C8orf34: variants seen among roughly 807,000 people sequenced by gnomAD.
The protein encoded by C8orf34 is uncharacterized protein C8orf34.
In C8orf34, 65 loss-of-function variants were observed where a neutral mutation model predicts 68.3. That is an observed-to-expected ratio of 0.95 (90% CI 0.78 to 1.17). The LOEUF (loss-of-function observed/expected upper bound fraction) is 1.17. Ranked by LOEUF, C8orf34 falls within the 50% of genes most tolerant of loss-of-function variation. C8orf34 has a pLI of 0.00. For missense variants in C8orf34, 664 were observed against 655.4 expected, an observed-to-expected ratio of 1.01 and a Z score of -0.14; for synonymous variants, 244 against 241.2, an observed-to-expected ratio of 1.01 and a Z score of -0.11.
At chr8:68,700,688 C>G (rs1358997749) in intron 8 of C8orf34, among the ~76,000 whole-genome samples, 1 of 152,052 alleles carries the variant, frequency 6.6e-6, no homozygotes, top group Non-Finnish European at 1.5e-5. Context: ...TACAAGTGGT[C>G]TCATGCCAAA....
At chr8:68,404,917 A>T (rs945578229) in intron 1 of C8orf34, among the ~76,000 whole-genome samples, 1 of 152,000 alleles carries the variant, frequency 6.6e-6, no homozygotes, top group Non-Finnish European at 1.5e-5. Flanking sequence ...GTCAATGGTA[A>T]CTTGATGGGG....
rs1806541442 is a variant in C8orf34 at position 68,352,235 on chromosome 8, AGAG to A, written c.327+20899_327+20901del. On this transcript the variant is annotated intron_variant, in intron 1 of 13. Coordinates refer to ENST00000518698, the MANE Select transcript of C8orf34 (RefSeq NM_052958.4). ...GGAAATCTGAATTAACAGAGCTTGA[AGAG>A]GAAGCATATATGTAACTCTTTATTC... 3.3e-5 allele frequency among the ~76,000 whole-genome samples: 5 copies of A among 152,152 alleles called. No individual in the cohort carries two copies. The South Asian group carries it at 1.0e-3, about 32-fold the overall frequency.
chr8:68,430,179 A>G (rs1053515744), intron 1 of C8orf34, among the ~76,000 whole-genome samples: 2 of 152,094 alleles, frequency 1.3e-5, no homozygotes, highest in Non-Finnish European at 2.9e-5. Flanking sequence ...ATTAAAAAAT[A>G]AAAAAATTAA....
chr8:68,432,148 A>C (rs901646872), intron 1 of C8orf34, among the ~76,000 whole-genome samples: 1 of 151,806 alleles, frequency 6.6e-6, no homozygotes, highest in Non-Finnish European at 1.5e-5. Flanking sequence ...TGGAATAAGC[A>C]AGGAGTTCAG....
Position 68,569,983 on chromosome 8 carries a change from G to T in C8orf34, c.1105+36834G>T, listed in dbSNP as rs1282988014. ...AAAGTCTCTCTTCAGGCTGCTCTTT[G>T]ATTTCAGCCTTCCCCAGACTGAGTC... On this transcript the variant is annotated intron_variant, in intron 7 of 13. Transcript: ENST00000518698. Among the ~76,000 whole-genome samples the T allele has an allele frequency of 1.3e-5, 2 of 152,170 alleles. 1 individual carries two copies. Among genetic ancestry groups the T allele is most frequent in the South Asian group, 4.1e-4 (2 of 4,822 alleles).
rs1169938225 is a variant in C8orf34 at position 68,587,421 on chromosome 8, T to C, written c.1106-52955T>C. Among the ~76,000 whole-genome samples the C allele has an allele frequency of 3.3e-5, 5 of 152,242 alleles. No homozygotes were observed. The East Asian group carries it at 9.7e-4, about 29-fold the overall frequency. Reference sequence around the variant, plus strand: ...ATGTTATGAGTTTATAGAATCTGTGTTGGTTAATAGATTTCAATCTAGACC... The same window carrying C: ...ATGTTATGAGTTTATAGAATCTGTGCTGGTTAATAGATTTCAATCTAGACC... On this transcript the variant is annotated intron_variant, in intron 7 of 13. Coordinates refer to ENST00000518698, the MANE Select transcript of C8orf34 (RefSeq NM_052958.4).
intron 7 of C8orf34, among the ~76,000 whole-genome samples, chr8:68,612,342 C>A (rs1335844810): frequency 6.6e-6 from 1 of 152,058 alleles, no homozygotes; most frequent in Non-Finnish European, 1.5e-5. Context: ...AGATGTTAAA[C>A]AACTTGCCCC....
intron 8 of C8orf34, among the ~76,000 whole-genome samples, chr8:68,678,859 G>GAAAAAAA (rs35973682): frequency 8.5e-6 from 1 of 116,962 alleles, no homozygotes; most frequent in Non-Finnish European, 1.8e-5. Context: ...GACCACAACT[G>GAAAAAAA]AAAAAAAAAA....
At position 68,717,843 on chromosome 8, in the gene C8orf34, A is replaced by T. The variant is rs151326750; in HGVS notation, c.1328-3518A>T. On this transcript the variant is annotated intron_variant, in intron 9 of 13. Transcript: ENST00000518698. ...AAAGAAATGACCATAGTTAATGCAT[A>T]CTCAAATCTATTATAATGGTGATGA... 2.5e-3 allele frequency among the ~76,000 whole-genome samples: 388 copies of T among 152,240 alleles called. 4 individuals are homozygous for T. Among genetic ancestry groups the T allele is most frequent in the African/African-American group, 8.6e-3 (359 of 41,542 alleles).
At chr8:68,413,413 C>T (rs1234703565) in intron 1 of C8orf34, among the ~76,000 whole-genome samples, 3 of 152,172 alleles carry the variant, frequency 2.0e-5, no homozygotes, top group African/African-American at 7.2e-5. Context: ...GTGTTCAGTA[C>T]ATATCTACTG....
At chr8:68,661,039 G>A (rs1819660545) in intron 8 of C8orf34, among the ~76,000 whole-genome samples, 1 of 152,162 alleles carries the variant, frequency 6.6e-6, no homozygotes, top group Non-Finnish European at 1.5e-5. Context: ...TTGGCTGGGG[G>A]AGGAAAGACT....
At chr8:68,443,122 G>A (rs965571625) in intron 2 of C8orf34, among the ~76,000 whole-genome samples, 1 of 152,138 alleles carries the variant, frequency 6.6e-6, no homozygotes, top group South Asian at 2.1e-4. Flanking sequence ...ACCATCCCAG[G>A]AAGCTGCAGA....
At chr8:68,652,430 CTG>C (rs1350358809) in intron 8 of C8orf34, among the ~76,000 whole-genome samples, 1 of 152,134 alleles carries the variant, frequency 6.6e-6, no homozygotes, top group Non-Finnish European at 1.5e-5. Flanking sequence ...TCCCATTTAT[CTG>C]TGTTTTCTGC....
rs1007713270 is a variant in C8orf34 at position 68,467,942 on chromosome 8, C to T, written c.608-750C>T. Reference sequence around the variant, plus strand: ...ACCATTTTTTAAAAAAAATATGCCTCGACCTGTGCCCGACATTTAATGGGC... The same window carrying T: ...ACCATTTTTTAAAAAAAATATGCCTTGACCTGTGCCCGACATTTAATGGGC... On this transcript the variant is annotated intron_variant, in intron 3 of 13. Coordinates refer to ENST00000518698, the MANE Select transcript of C8orf34 (RefSeq NM_052958.4). Among the ~76,000 whole-genome samples the T allele has an allele frequency of 5.2e-4, 79 of 151,980 alleles. 1 individual carries two copies. Among genetic ancestry groups the T allele is most frequent in the African/African-American group, 1.7e-3 (70 of 41,504 alleles).
At chr8:68,475,612 T>G (rs538514245) in intron 4 of C8orf34, among the ~76,000 whole-genome samples, 11 of 152,358 alleles carry the variant, frequency 7.2e-5, no homozygotes, top group African/African-American at 2.6e-4. Context: ...TGCTGGGATC[T>G]TTGGCTTTGA....
intron 10 of C8orf34, among the ~76,000 whole-genome samples, chr8:68,767,042 A>T (rs1823199746): frequency 6.6e-6 from 1 of 152,080 alleles, no homozygotes. Flanking sequence ...AAAATTAGCC[A>T]GGTGTGATGG....
intron 7 of C8orf34, among the ~76,000 whole-genome samples, chr8:68,589,630 G>A (rs1271290418): frequency 7.0e-6 from 1 of 143,678 alleles, no homozygotes; most frequent in Non-Finnish European, 1.5e-5. Context: ...GAAGAAAGAA[G>A]GAGGAGAGAA....
At position 68,578,866 on chromosome 8, in the gene C8orf34, G is replaced by T. The variant is rs76650295; in HGVS notation, c.1105+45717G>T. 1.1e-3 allele frequency among the ~76,000 whole-genome samples: 173 copies of T among 152,122 alleles called. 3 individuals are homozygous for T. The East Asian group carries it at 0.03, about 26-fold the overall frequency. ...GCTGAAAAGGAAACAATACTATATTGTTTAAGAGTTAAAAGTAAACAATGA... is the reference window on the plus strand; with the variant it reads ...GCTGAAAAGGAAACAATACTATATTTTTTAAGAGTTAAAAGTAAACAATGA... On this transcript the variant is annotated intron_variant, in intron 7 of 13. Transcript: ENST00000518698.
chr8:68,479,546 A>G (rs1485441315), intron 4 of C8orf34, among the ~76,000 whole-genome samples: 1 of 152,112 alleles, frequency 6.6e-6, no homozygotes, highest in Admixed American at 6.5e-5. Flanking sequence ...AGAGAAGATA[A>G]TAGTTGGAGT....
Sources: gnomAD v4.1 joint callset for allele counts (sites outside exome capture counted in the v4.1 genomes callset) on GRCh38, gnomAD v4.1.1 for gene constraint, MANE v1.5 for transcripts, NCBI Gene and HGNC (gene_info 2026-07-23, HGNC 2026-07-21) for gene names.